Variants in JMJD1C observed in about 807,000 individuals in gnomAD.
JMJD1C encodes the protein jumonji domain containing 1C.
Under a neutral mutation model 245.3 loss-of-function variants are expected in JMJD1C, and 31 were observed. That is an observed-to-expected ratio of 0.13 (90% confidence interval 0.09 to 0.17). The LOEUF is 0.17. Ranked by LOEUF, JMJD1C falls within the 10% of genes least tolerant of loss-of-function variation. The pLI is 1.00. For missense variants in JMJD1C, 2,691 were observed against 3,000.2 expected, an observed-to-expected ratio of 0.90 and a Z score of 2.41; for synonymous variants, 1,057 against 1,017.4, an observed-to-expected ratio of 1.04 and a Z score of -0.74.
At chr10:63,498,081 C>T (rs779678118) in intron 1 of JMJD1C, among the ~76,000 whole-genome samples, 5 of 152,056 alleles carry the variant, frequency 3.3e-5, no homozygotes, top group Non-Finnish European at 5.9e-5. Flanking sequence ...AAAAATATCA[C>T]GAGCATATAC....
chr10:63,207,500 G>A lies in JMJD1C; in HGVS notation c.4169C>T (p.Thr1390Met), dbSNP rs747375729. 9 of 1,614,052 alleles carry A rather than the reference G, an allele frequency of 5.6e-6. No homozygotes were observed. Among genetic ancestry groups the A allele is most frequent in the East Asian group, 4.5e-5 (2 of 44,904 alleles). The change falls in exon 10 of 26, where the codon ACG becomes ATG. Residue 1390 changes from threonine to methionine, a missense_variant. By Grantham distance (81) the Thr-to-Met change is moderately conservative (BLOSUM62 -1). Transcript: ENST00000399262. ...TACATCCGTTTTGGTATTACACATC[G>A]TATTTACAGCAGACATGACTGAACT... Reference protein sequence around the residue: ...VPSSVMSAVNTMCNTKTDVIT... With the variant: ...VPSSVMSAVNMMCNTKTDVIT...
intron 1 of JMJD1C, among the ~76,000 whole-genome samples, chr10:63,486,579 T>C (rs1954009019): frequency 6.6e-6 from 1 of 152,114 alleles, no homozygotes; most frequent in Non-Finnish European, 1.5e-5. Context: ...CTATGGGCAA[T>C]TAAAAATGTT....
At position 63,208,767 on chromosome 10, in the gene JMJD1C, G is replaced by A. The variant is rs745565258; in HGVS notation, c.2902C>T (p.Arg968Trp). Residue 968 changes from arginine to tryptophan, a missense_variant, in exon 10 of 26, where the codon CGG becomes TGG. Arg to Trp is a moderately radical substitution (Grantham distance 101, BLOSUM62 -3). Transcript: ENST00000399262. ...TTGGCTGATGTGGATGCAACAGACC[G>A]TAATGGTTCCATAAAAGCTTTTCTT... ...LERKAFMEPLRSVASTSAKND... is the reference protein window; with the variant it reads ...LERKAFMEPLWSVASTSAKND... 5.0e-5 allele frequency: 80 copies of A among 1,592,880 alleles called. 1 individual carries two copies. The highest frequency in any genetic ancestry group is 6.4e-5 in the Non-Finnish European group (75 of 1,173,594).
At chr10:63,474,616 C>G (rs1953601422) in intron 1 of JMJD1C, among the ~76,000 whole-genome samples, 1 of 151,818 alleles carries the variant, frequency 6.6e-6, no homozygotes, top group Non-Finnish European at 1.5e-5. Flanking sequence ...ACGTCCAGCT[C>G]ATTTTTTATT....
At chr10:63,457,678 A>T (rs559375889) in intron 1 of JMJD1C, among the ~76,000 whole-genome samples, 1 of 152,218 alleles carries the variant, frequency 6.6e-6, no homozygotes, top group Non-Finnish European at 1.5e-5. Flanking sequence ...GCTCAGAAAG[A>T]ATATATAACA....
At chr10:63,273,646 C>T (rs1856531127) in intron 2 of JMJD1C, among the ~76,000 whole-genome samples, 3 of 152,052 alleles carry the variant, frequency 2.0e-5, no homozygotes, top group Admixed American at 2.0e-4. Flanking sequence ...ATTTTTGTTT[C>T]TTTTTGTTGG....
intron 1 of JMJD1C, among the ~76,000 whole-genome samples, chr10:63,490,341 C>T (rs1291909019): frequency 6.6e-6 from 1 of 152,024 alleles, no homozygotes; most frequent in Admixed American, 6.6e-5. Context: ...GAAAGTGACT[C>T]CTCAGTTATT....
chr10:63,441,199 T>C (rs1168181904), intron 1 of JMJD1C, among the ~76,000 whole-genome samples: 1 of 152,228 alleles, frequency 6.6e-6, no homozygotes, highest in East Asian at 1.9e-4. Flanking sequence ...CTCCCTTTTT[T>C]ACACGGTTTA....
Position 63,214,569 on chromosome 10 carries a change from G to A in JMJD1C, c.1598C>T (p.Thr533Ile), listed in dbSNP as rs746157573. The A allele has an allele frequency of 6.2e-7, 1 of 1,613,988 alleles. No homozygotes were observed. Among genetic ancestry groups the A allele is most frequent in the Admixed American group, 1.7e-5 (1 of 60,020 alleles). Residue 533 changes from threonine to isoleucine, a missense_variant, in exon 8 of 26, where the codon ACA becomes ATA. Physicochemically the swap from Thr to Ile is moderately conservative, Grantham distance 89. Coordinates refer to ENST00000399262, the MANE Select transcript of JMJD1C (RefSeq NM_032776.3). ...QENSSTFGLQ[T>I]LQKMDPNVSD... The stretch of plus-strand genomic sequence containing the variant: ...AACATTAGGATCCATTTTCTGAAGT[G>A]TCTGAAGGCCAAAGGTACTTGAGTT...
chr10:63,312,290 T>C (rs1193667602), intron 2 of JMJD1C, among the ~76,000 whole-genome samples: 1 of 151,966 alleles, frequency 6.6e-6, no homozygotes, highest in Non-Finnish European at 1.5e-5. Flanking sequence ...GTATTTTTAG[T>C]AGAGACAGGG....
At position 63,342,752 on chromosome 10, in the gene JMJD1C, G is replaced by A. The variant is rs561858739; in HGVS notation, c.333+37566C>T. Among the ~76,000 whole-genome samples, 7 of 152,262 alleles carry A rather than the reference G, an allele frequency of 4.6e-5. No homozygotes were observed. In the South Asian group the frequency reaches 1.4e-3, roughly 32 times the overall value. On this transcript the variant is annotated intron_variant, in intron 2 of 25. Coordinates refer to ENST00000399262, the MANE Select transcript of JMJD1C (RefSeq NM_032776.3). ...ATAAGAAAATGATTACTTATCAATA[G>A]CATATAATTTCAGATTCAAAAATGG... is the stretch of plus-strand genomic sequence containing the variant.
Position 63,168,024 on chromosome 10 carries a change from A to G in JMJD1C, c.*21T>C, listed in dbSNP as rs759090885. The G allele has an allele frequency of 1.4e-6, 2 of 1,402,440 alleles. No homozygotes were observed. Among genetic ancestry groups the G allele is most frequent in the African/African-American group, 2.8e-5 (2 of 71,010 alleles). The allele number at this position is 1,402,440 out of a possible 1,614,324, so 86.9% of individuals were successfully genotyped here. On this transcript the variant is annotated 3_prime_UTR_variant, in exon 26 of 26. Transcript: ENST00000399262. ...AAGTAATCCCAGTTCAACAACCTAA[A>G]AATATCAAACTGGATCACACTTAAT...
intron 1 of JMJD1C, 66 bp downstream of exon 1, chr10:63,465,429 C>T: frequency 6.9e-7 from 1 of 1,455,984 alleles, no homozygotes; most frequent in Admixed American, 2.0e-5. Flanking sequence ...GGGAAGCCTG[C>T]AAGGTACGTC....
At chr10:63,503,971 A>C (rs1358080798) in intron 1 of JMJD1C, among the ~76,000 whole-genome samples, 1 of 152,096 alleles carries the variant, frequency 6.6e-6, no homozygotes, top group South Asian at 2.1e-4. Context: ...AGTTTTCCCT[A>C]TTCTGCTTCC....
intron 18 of JMJD1C, 51 bp downstream of exon 18, chr10:63,189,117 A>AAT: frequency 6.8e-7 from 1 of 1,476,498 alleles, no homozygotes; most frequent in South Asian, 1.4e-5. Context: ...CATTCTATTT[A>AAT]ATAAGCTTCA....
intron 3 of JMJD1C, among the ~76,000 whole-genome samples, chr10:63,257,263 A>G (rs1487852436): frequency 6.6e-6 from 1 of 151,948 alleles, no homozygotes; most frequent in East Asian, 1.9e-4. Context: ...AGGAAAAAGA[A>G]AAAGAGAATA....
chr10:63,308,688 G>C (rs1480349081), intron 2 of JMJD1C, among the ~76,000 whole-genome samples: 1 of 93,442 alleles, frequency 1.1e-5, no homozygotes, highest in African/African-American at 4.1e-5. Context: ...GAGAGAAATA[G>C]AAATAGGAGA....
intron 1 of JMJD1C, chr10:63,427,471 A>G: frequency 8.2e-7 from 1 of 1,212,806 alleles, no homozygotes. Flanking sequence ...CCTGACCAAG[A>G]CCAACAGGAT....
At chr10:63,370,144 C>T (rs377706956) in intron 2 of JMJD1C, among the ~76,000 whole-genome samples, 8 of 152,146 alleles carry the variant, frequency 5.3e-5, no homozygotes, top group East Asian at 3.9e-4. Context: ...CTGGACTCTA[C>T]CCTAAACATC....
Sources: gnomAD v4.1 joint callset for allele counts (sites outside exome capture counted in the v4.1 genomes callset) on GRCh38, gnomAD v4.1.1 for gene constraint, MANE v1.5 for transcripts, NCBI Gene and HGNC (gene_info 2026-07-23, HGNC 2026-07-21) for gene names.